Variants in ELOVL6 observed in about 807,000 individuals in gnomAD.
ELOVL6 encodes ELOVL fatty acid elongase 6.
Under a neutral mutation model 31.7 loss-of-function variants are expected in ELOVL6, and 8 were observed. The ratio of observed to expected loss-of-function variants is 0.25; its 90% confidence interval spans 0.15 to 0.45. The LOEUF is 0.45. ELOVL6 is among the 20% of genes least tolerant of loss of function. The pLI is 1.00. For missense variants in ELOVL6, 126 were observed against 326.4 expected (o/e 0.39, Z 4.73); for synonymous variants, 101 against 117.7 (o/e 0.86, Z 0.92).
chr4:110,084,549 C>CATATATTT (rs1560815682), intron 2 of ELOVL6, among the ~76,000 whole-genome samples: 1 of 72,740 alleles, frequency 1.4e-5, no homozygotes, highest in African/African-American at 7.6e-5. Context: ...CACACACACA[C>CATATATTT]ACACACACAC....
chr4:110,149,397 G>C (rs1480537980), intron 1 of ELOVL6, among the ~76,000 whole-genome samples: 1 of 152,134 alleles, frequency 6.6e-6, no homozygotes, highest in Non-Finnish European at 1.5e-5. Context: ...CATCAGTGGA[G>C]GACCGAATAA....
chr4:110,082,821 G>A (rs1011014141), intron 2 of ELOVL6, among the ~76,000 whole-genome samples: 20 of 152,318 alleles, frequency 1.3e-4, no homozygotes, highest in Admixed American at 1.1e-3. Context: ...GTCAAGGGAC[G>A]CATGACTGTG....
chr4:110,112,064 A>C (rs1757048871), intron 1 of ELOVL6, among the ~76,000 whole-genome samples: 1 of 152,252 alleles, frequency 6.6e-6, no homozygotes, highest in Non-Finnish European at 1.5e-5. Context: ...TGGGTGAGAG[A>C]TGGGGAAGTA....
chr4:110,168,312 C>T (rs554940338), intron 1 of ELOVL6, among the ~76,000 whole-genome samples: 15 of 151,964 alleles, frequency 9.9e-5, no homozygotes, highest in East Asian at 1.9e-4. Flanking sequence ...GCCCAGAGTT[C>T]GAGACCGGCT....
intron 3 of ELOVL6, among the ~76,000 whole-genome samples, chr4:110,059,226 G>A (rs971526912): frequency 2.6e-5 from 4 of 152,238 alleles, no homozygotes; most frequent in African/African-American, 9.6e-5. Flanking sequence ...ATGAAAGTAT[G>A]CTCAGATATG....
intron 1 of ELOVL6, among the ~76,000 whole-genome samples, chr4:110,178,378 T>C (rs1221471187): frequency 6.6e-6 from 1 of 151,986 alleles, no homozygotes; most frequent in Non-Finnish European, 1.5e-5. Context: ...AAAACCCATC[T>C]CTACTAAAAA....
At chr4:110,137,951 G>T (rs10018482) in intron 1 of ELOVL6, among the ~76,000 whole-genome samples, 1 of 151,960 alleles carries the variant, frequency 6.6e-6, no homozygotes, top group African/African-American at 2.4e-5. Context: ...AAGAAAACTG[G>T]GGCTCAAAAA....
chr4:110,140,428 T>C (rs1019967546), intron 1 of ELOVL6, among the ~76,000 whole-genome samples: 3 of 151,864 alleles, frequency 2.0e-5, no homozygotes, highest in African/African-American at 7.3e-5. Flanking sequence ...TTTGTTATCA[T>C]TATTATTATT....
chr4:110,143,661 G>A (rs1758027308), intron 1 of ELOVL6, among the ~76,000 whole-genome samples: 1 of 152,152 alleles, frequency 6.6e-6, no homozygotes, highest in African/African-American at 2.4e-5. Context: ...CAGGCAATTT[G>A]GATGCACATT....
rs1026947870 is a variant in ELOVL6 at position 110,048,761 on chromosome 4, C to T, written c.*2577G>A. On this transcript the variant is annotated 3_prime_UTR_variant, in exon 4 of 4. Transcript: ENST00000302274. ...CCTCCCATGATAAACATTGGAAATG[C>T]CTTTAGATATATTTAGCTAATTTTA... 1 of 152,160 alleles carries T rather than the reference C, an allele frequency of 6.6e-6. No homozygotes were observed. The highest frequency in any genetic ancestry group is 2.4e-5 in the African/African-American group (1 of 41,490). 9.4% of individuals were successfully genotyped at this position (152,160 alleles called of 1,614,324 possible).
chr4:110,066,567 A>T (rs936107571), intron 2 of ELOVL6, among the ~76,000 whole-genome samples: 3 of 133,374 alleles, frequency 2.2e-5, no homozygotes, highest in African/African-American at 8.3e-5. Flanking sequence ...TGAACGCAGG[A>T]GGGGGAGCCT....
At chr4:110,120,274 G>A (rs1447822922) in intron 1 of ELOVL6, among the ~76,000 whole-genome samples, 1 of 150,924 alleles carries the variant, frequency 6.6e-6, no homozygotes, top group Non-Finnish European at 1.5e-5. Flanking sequence ...GATTTACTAA[G>A]CACCAAGATT....
chr4:110,098,164 G>T (rs1208289956), intron 2 of ELOVL6, among the ~76,000 whole-genome samples: 1 of 151,932 alleles, frequency 6.6e-6, no homozygotes, highest in African/African-American at 2.4e-5. Flanking sequence ...CATCCTTCCA[G>T]CAAAATATAC....
At chr4:110,148,319 A>G (rs758688481) in intron 1 of ELOVL6, among the ~76,000 whole-genome samples, 54 of 152,268 alleles carry the variant, frequency 3.5e-4, no homozygotes, top group Non-Finnish European at 7.1e-4. Flanking sequence ...GACAAAAAAT[A>G]CATGTACAAC....
chr4:110,148,499 G>A (rs192639345), intron 1 of ELOVL6, among the ~76,000 whole-genome samples: 1 of 150,490 alleles, frequency 6.6e-6, no homozygotes, highest in Admixed American at 6.6e-5. Flanking sequence ...GTGCGGGGGA[G>A]GGGGGGAGGT....
At chr4:110,159,780 A>G (rs1307154386) in intron 1 of ELOVL6, among the ~76,000 whole-genome samples, 4 of 152,190 alleles carry the variant, frequency 2.6e-5, no homozygotes, top group African/African-American at 4.8e-5. Flanking sequence ...TCAACAGCAC[A>G]TTTCTCTCTA....
intron 1 of ELOVL6, among the ~76,000 whole-genome samples, chr4:110,191,376 C>T (rs1759616517): frequency 6.6e-6 from 1 of 152,082 alleles, no homozygotes; most frequent in East Asian, 1.9e-4. Context: ...ATATGTGGTA[C>T]AGGTAACTTT....
chr4:110,054,386 C>T (rs574642006), intron 3 of ELOVL6, among the ~76,000 whole-genome samples: 1 of 152,302 alleles, frequency 6.6e-6, no homozygotes, highest in Admixed American at 6.5e-5. Flanking sequence ...ATAAGTACTA[C>T]TCTGTTCCTC....
Position 110,067,994 on chromosome 4 carries a change from GCTCTC to G in ELOVL6, c.222-8245_222-8241del, listed in dbSNP as rs1306785684. On this transcript the variant is annotated intron_variant, in intron 2 of 3. Transcript: ENST00000302274. ...CTTAGACATTAACGCCTTTCACAGA[GCTCTC>G]CTCTGAGATCTGACATGCTAGCTGG... Among the ~76,000 whole-genome samples the G allele has an allele frequency of 2.0e-5, 3 of 152,174 alleles. No individual in the cohort carries two copies. In the East Asian group the frequency reaches 5.8e-4, roughly 29 times the overall value.
Sources: allele counts gnomAD v4.1 joint callset (sites outside exome capture counted in the v4.1 genomes callset), GRCh38; gene constraint gnomAD v4.1.1; transcripts MANE v1.5; gene names NCBI Gene and HGNC (gene_info 2026-07-23, HGNC 2026-07-21).